Variants in ACSM2B observed in about 807,000 individuals in gnomAD.
ACSM2B encodes acyl-coenzyme A synthetase ACSM2B, mitochondrial.
In ACSM2B, 58 loss-of-function variants were observed where a neutral mutation model predicts 78.6. The ratio of observed to expected loss-of-function variants is 0.74; its 90% CI spans 0.60 to 0.92. The LOEUF is 0.92. ACSM2B is among the 40% of genes least tolerant of loss of function. The pLI, the probability that ACSM2B is intolerant of heterozygous loss-of-function variation, is 0.00. For missense variants in ACSM2B, 688 were observed against 711.2 expected (o/e 0.97, Z 0.37); for synonymous variants, 257 against 256.8 (o/e 1.00, Z -0.01).
intron 6 of ACSM2B, chr16:20,549,690 C>G (rs1357028913): frequency 7.2e-6 from 3 of 415,092 alleles, no homozygotes; most frequent in Non-Finnish European, 1.4e-5. Flanking sequence ...CCTGAGAACA[C>G]GTGCCCAAGG....
Position 20,551,998 on chromosome 16 carries a change from C to A in ACSM2B, c.894+146G>T, listed in dbSNP as rs1428104399. The A allele has an allele frequency of 3.3e-5, 45 of 1,373,542 alleles. No individual in the cohort carries two copies. The East Asian group carries it at 1.0e-3, about 31-fold the overall frequency. 85.1% of individuals were successfully genotyped at this position (1,373,542 alleles called of 1,614,324 possible). ...ACATGAGCTCTGCGAGGTCAGGGAC[C>A]ATTTCCATCTCGTTTACTGAACACT... On this transcript the variant is annotated intron_variant, in intron 6 of 13. Transcript: ENST00000329697.
chr16:20,542,835 G>A (rs1057209093), intron 12 of ACSM2B, 79 bp downstream of exon 12: 33 of 1,566,524 alleles, frequency 2.1e-5, no homozygotes, highest in Non-Finnish European at 2.7e-5. Flanking sequence ...CAGCCCCACA[G>A]TCCCTGTTCT....
chr16:20,557,956 C>A (rs1255931295), intron 3 of ACSM2B, among the ~76,000 whole-genome samples: 2 of 152,142 alleles, frequency 1.3e-5, no homozygotes, highest in African/African-American at 2.4e-5. Context: ...AACTTATAGT[C>A]TAACTTTAAA....
chr16:20,537,675 T>C (rs1396521953), intron 13 of ACSM2B, among the ~76,000 whole-genome samples: 1 of 152,318 alleles, frequency 6.6e-6, no homozygotes, highest in South Asian at 2.1e-4. Context: ...CTGCCAATCA[T>C]CTGGCTTTCG....
chr16:20,536,226 T>G lies in ACSM2B; in HGVS notation c.*1032A>C, dbSNP rs2014842957. Reference sequence around the variant, plus strand: ...AACATACACTTACCTCATCCCTGTCTTTTTTTGTTTTTCCTAAAGACTATT... The same window carrying G: ...AACATACACTTACCTCATCCCTGTCGTTTTTTGTTTTTCCTAAAGACTATT... On this transcript the variant is annotated 3_prime_UTR_variant, in exon 14 of 14. Coordinates refer to ENST00000329697, the MANE Select transcript of ACSM2B (RefSeq NM_001105069.2). 1 of 152,158 alleles carries G rather than the reference T, an allele frequency of 6.6e-6. No individual in the cohort carries two copies. Among genetic ancestry groups the G allele is most frequent in the African/African-American group, 2.4e-5 (1 of 41,444 alleles). The allele number at this position is 152,158 out of a possible 1,614,324, so 9.4% of individuals were successfully genotyped here.
rs779346612 is a variant in ACSM2B, at chr16:20,542,952, T to A, written c.1471A>T (p.Thr491Ser). ...ALMKHPAVVE[T>S]AVISSPDPVR... ...GGGTCTGGGCTGCTGATCACAGCCGTCTCAACCACAGCAGGGTGCTTCATC... is the reference window on the plus strand; with the variant it reads ...GGGTCTGGGCTGCTGATCACAGCCGACTCAACCACAGCAGGGTGCTTCATC... Residue 491 changes from threonine (T) to serine (S), a missense_variant, in exon 12 of 14, where the codon ACG becomes TCG. Physicochemically the swap from Thr to Ser is moderately conservative, Grantham distance 58 (BLOSUM62 1). Transcript: ENST00000329697. The A allele has an allele frequency of 1.9e-6, 3 of 1,613,664 alleles. No homozygotes were observed. Among genetic ancestry groups the A allele is most frequent in the Non-Finnish European group, 1.7e-6 (2 of 1,179,846 alleles).
At position 20,553,813 on chromosome 16, in the gene ACSM2B, T is replaced by C. The variant is rs151189567; in HGVS notation, c.704A>G (p.Tyr235Cys). Residue 235 changes from tyrosine to cysteine, a missense_variant, in exon 5 of 14, where the codon TAC (tyrosine) becomes TGC (cysteine). Tyr to Cys is a radical substitution (Grantham distance 194, BLOSUM62 -2). Transcript: ENST00000329697. ...CTTGGCCTTGAGGCCCAGGCTCGAG[T>C]AGGAATGTTCTGCCATCTTGGGAAG... ...SGLPKMAEHS[Y>C]SSLGLKAKMD... 5 of 1,612,322 alleles carry C rather than the reference T, an allele frequency of 3.1e-6. No individual in the cohort carries two copies. In the African/African-American group the frequency reaches 5.3e-5, roughly 17 times the overall value.
intron 2 of ACSM2B, among the ~76,000 whole-genome samples, chr16:20,562,245 C>T (rs377431612): frequency 1.0e-3 from 153 of 152,190 alleles, no homozygotes; most frequent in African/African-American, 3.4e-3. Context: ...TCATGATGCA[C>T]AAGGGTTCTA....
intron 1 of ACSM2B, among the ~76,000 whole-genome samples, chr16:20,568,494 A>G (rs1011139717): frequency 1.3e-5 from 2 of 150,758 alleles, no homozygotes; most frequent in Admixed American, 6.7e-5. Flanking sequence ...GGCTGGTTCC[A>G]TATTCCTGTA....
chr16:20,539,767 A>G (rs545628864), intron 13 of ACSM2B, among the ~76,000 whole-genome samples: 1 of 151,292 alleles, frequency 6.6e-6, no homozygotes, highest in South Asian at 2.1e-4. Context: ...GGAGAAAAAC[A>G]TGCTCATTTT....
intron 1 of ACSM2B, among the ~76,000 whole-genome samples, chr16:20,567,667 T>C (rs1193496355): frequency 7.3e-6 from 1 of 137,926 alleles, no homozygotes; most frequent in African/African-American, 2.7e-5. Flanking sequence ...ATATATACTA[T>C]ACTATTATAT....
intron 2 of ACSM2B, 94 bp from the exon 3 acceptor site, chr16:20,559,541 T>G: frequency 6.8e-7 from 1 of 1,467,594 alleles, no homozygotes; most frequent in South Asian, 1.4e-5. Flanking sequence ...TGGTGCTTAG[T>G]AAGGTTTTTT....
rs376906153 is a variant in ACSM2B at position 20,570,800 on chromosome 16, G to A, written c.-9+5407C>T. Among the ~76,000 whole-genome samples, 179 of 151,942 alleles carry A rather than the reference G, an allele frequency of 1.2e-3. 5 individuals are homozygous for A. The South Asian group carries it at 0.035, about 30-fold the overall frequency. ...TCTAATTCTTCCTGATTTAAGCTAG[G>A]AGGGTTGTATCTTCCCAAGAATTTA... On this transcript the variant is annotated intron_variant, in intron 1 of 13. Transcript: ENST00000329697.
intron 1 of ACSM2B, among the ~76,000 whole-genome samples, chr16:20,568,642 C>A (rs1180825255): frequency 1.3e-5 from 2 of 151,312 alleles, no homozygotes; most frequent in Non-Finnish European, 3.0e-5. Flanking sequence ...TGATGAATTT[C>A]CAGTTTTCCA....
At chr16:20,574,237 A>G (rs1239273110) in intron 1 of ACSM2B, 2 of 151,960 alleles carry the variant, frequency 1.3e-5, no homozygotes, top group Admixed American at 1.3e-4. Flanking sequence ...ATTCTGCCCG[A>G]CCCCGCAGGC....
chr16:20,573,810 G>A (rs1033401541), intron 1 of ACSM2B, among the ~76,000 whole-genome samples: 3 of 152,070 alleles, frequency 2.0e-5, no homozygotes, highest in African/African-American at 7.2e-5. Context: ...AGGAGAGGGT[G>A]TACGAACAGG....
At chr16:20,566,501 ATATC>A (rs1372443178) in intron 1 of ACSM2B, among the ~76,000 whole-genome samples, 1 of 116,704 alleles carries the variant, frequency 8.6e-6, no homozygotes, top group African/African-American at 3.3e-5. Flanking sequence ...TACATATACT[ATATC>A]TATATATTAT....
intron 3 of ACSM2B, among the ~76,000 whole-genome samples, chr16:20,557,389 T>A (rs2015506937): frequency 6.7e-6 from 1 of 149,692 alleles, no homozygotes; most frequent in African/African-American, 2.5e-5. Context: ...CTTCTTTGAA[T>A]AACCCTGTTA....
At chr16:20,572,798 G>C (rs1317324786) in intron 1 of ACSM2B, among the ~76,000 whole-genome samples, 1 of 151,702 alleles carries the variant, frequency 6.6e-6, no homozygotes, top group Non-Finnish European at 1.5e-5. Context: ...GTCTTTGTTG[G>C]ATTTGGCTAA....
Sources: gnomAD v4.1 joint callset for allele counts (sites outside exome capture counted in the v4.1 genomes callset) on GRCh38, gnomAD v4.1.1 for gene constraint, MANE v1.5 for transcripts, NCBI Gene and HGNC (gene_info 2026-07-23, HGNC 2026-07-21) for gene names.